MYO3A: variants seen among roughly 807,000 people sequenced by gnomAD.
The protein encoded by MYO3A is myosin IIIA.
Under a neutral mutation model 192.7 loss-of-function variants are expected in MYO3A, and 180 were observed. The observed-to-expected ratio is 0.93, with a 90% CI of 0.83 to 1.06. The LOEUF (loss-of-function observed/expected upper bound fraction) is 1.06. Ranked by LOEUF, MYO3A falls within the 50% of genes least tolerant of loss-of-function variation. The probability of loss-of-function intolerance (pLI) is 0.00; values close to 1 mark genes in which losing one functional copy is unlikely to be tolerated. For missense variants in MYO3A, 1,896 were observed against 1,905.0 expected, an observed-to-expected ratio of 1.00 and a Z score of 0.09; for synonymous variants, 628 against 645.3, an observed-to-expected ratio of 0.97 and a Z score of 0.41.
At chr10:26,183,100 G>A (rs1842686128) in intron 31 of MYO3A, among the ~76,000 whole-genome samples, 2 of 152,188 alleles carry the variant, frequency 1.3e-5, no homozygotes, top group East Asian at 1.9e-4. Flanking sequence ...AGAGACAAGC[G>A]ACAGTCCAGA....
Position 26,212,193 on chromosome 10 carries a change from T to C in MYO3A, c.*230T>C. 1 of 571,778 alleles carries C rather than the reference T, an allele frequency of 1.7e-6. No individual in the cohort carries two copies. The highest frequency in any genetic ancestry group is 3.0e-6 in the Non-Finnish European group (1 of 333,620). 35.4% of individuals were successfully genotyped at this position (571,778 alleles called of 1,614,324 possible). ...CTCCCCCGACGCTCTCTCTCGGAACTCCCGCACCCTCCTTTCTCACCAGCC... is the reference window on the plus strand; with the variant it reads ...CTCCCCCGACGCTCTCTCTCGGAACCCCCGCACCCTCCTTTCTCACCAGCC... On this transcript the variant is annotated 3_prime_UTR_variant, in exon 35 of 35. Coordinates refer to ENST00000642920, the MANE Select transcript of MYO3A (RefSeq NM_017433.5).
chr10:26,070,393 C>T lies in MYO3A; in HGVS notation c.1351C>T (p.Leu451Phe). Residue 451 changes from leucine (L) to phenylalanine (F), a missense_variant, in exon 14 of 35, where the codon CTT becomes TTT. Transcript: ENST00000642920. The part of the protein sequence containing the change: ...AHLLVQQLTV[L>F]GKANNRTLQE... ...TCTTTTAGTTCAGCAGCTGACAGTG[C>T]TTGGAAAGGTATAATTTATTTTTTT... 6.2e-7 allele frequency: 1 copy of T among 1,612,198 alleles called. No individual in the cohort carries two copies.
At chr10:26,189,881 G>A (rs1345056409) in intron 31 of MYO3A, among the ~76,000 whole-genome samples, 3 of 152,044 alleles carry the variant, frequency 2.0e-5, no homozygotes, top group South Asian at 2.1e-4. Context: ...TGGCTAACAT[G>A]CTGAAACCCC....
At chr10:26,106,479 T>C (rs1187710486) in intron 17 of MYO3A, among the ~76,000 whole-genome samples, 1 of 152,130 alleles carries the variant, frequency 6.6e-6, no homozygotes, top group East Asian at 1.9e-4. Context: ...ACCCCTTTCA[T>C]GTCATGTCAT....
At chr10:26,055,310 T>G (rs1161033417) in intron 10 of MYO3A, among the ~76,000 whole-genome samples, 3 of 152,098 alleles carry the variant, frequency 2.0e-5, no homozygotes, top group Non-Finnish European at 4.4e-5. Flanking sequence ...AAGTTGTCAC[T>G]CCATCCTAAC....
chr10:26,092,464 T>G (rs1314925499), intron 15 of MYO3A, among the ~76,000 whole-genome samples: 1 of 97,092 alleles, frequency 1.0e-5, no homozygotes, highest in Non-Finnish European at 2.5e-5. Context: ...AGACTCTGTC[T>G]CAAAAAAAAA....
At position 26,154,741 on chromosome 10, in the gene MYO3A, C is replaced by CT; in HGVS notation, c.2716-3dup. Reference sequence around the variant, plus strand: ...AGGCATCACTGTCTTCCTTGGTCTCCTTAGGGCGACACTGGAGAAGCCACA... The same window carrying CT: ...AGGCATCACTGTCTTCCTTGGTCTCCTTTAGGGCGACACTGGAGAAGCCACA... On this transcript the variant is annotated splice_region_variant and splice_polypyrimidine_tract_variant and intron_variant, in intron 24 of 34. Coordinates refer to ENST00000642920, the MANE Select transcript of MYO3A (RefSeq NM_017433.5). 6.2e-7 allele frequency: 1 copy of CT among 1,613,290 alleles called. No individual in the cohort carries two copies. Among genetic ancestry groups the CT allele is most frequent in the Non-Finnish European group, 8.5e-7 (1 of 1,179,464 alleles).
Position 26,203,202 on chromosome 10 carries a change from A to C in MYO3A, c.4730+95A>C, listed in dbSNP as rs1035956651. On this transcript the variant is annotated intron_variant, in intron 34 of 34. Coordinates refer to ENST00000642920, the MANE Select transcript of MYO3A (RefSeq NM_017433.5). The stretch of plus-strand genomic sequence containing the variant: ...CACTTTATATATAGATGAATGACAA[A>C]GCACTCTTACTGAATATTGCATCTT... The C allele has an allele frequency of 3.8e-6, 5 of 1,325,286 alleles. No individual in the cohort carries two copies. In the East Asian group the frequency reaches 1.2e-4, roughly 33 times the overall value. The allele number at this position is 1,325,286 out of a possible 1,614,324, so 82.1% of individuals were successfully genotyped here.
At chr10:26,026,770 C>T (rs1217724712) in intron 10 of MYO3A, among the ~76,000 whole-genome samples, 5 of 152,242 alleles carry the variant, frequency 3.3e-5, no homozygotes, top group Admixed American at 1.3e-4. Flanking sequence ...GGCACGATCT[C>T]GGCTCACTGC....
At chr10:26,156,699 A>G (rs1327588874) in intron 25 of MYO3A, among the ~76,000 whole-genome samples, 1 of 151,762 alleles carries the variant, frequency 6.6e-6, no homozygotes, top group Non-Finnish European at 1.5e-5. Flanking sequence ...CTTTTTTTTA[A>G]TTGTATTTTA....
chr10:25,944,898 C>A (rs1484696083), intron 2 of MYO3A, among the ~76,000 whole-genome samples: 7 of 151,954 alleles, frequency 4.6e-5, no homozygotes, highest in African/African-American at 1.7e-4. Flanking sequence ...TCTGCTGCAT[C>A]TTCATTATTT....
intron 6 of MYO3A, among the ~76,000 whole-genome samples, chr10:26,011,142 T>C (rs564887883): frequency 6.6e-6 from 1 of 152,204 alleles, no homozygotes; most frequent in South Asian, 2.1e-4. Flanking sequence ...AAGATGATTA[T>C]TCCTGGCCCA....
intron 4 of MYO3A, among the ~76,000 whole-genome samples, chr10:25,966,594 G>A (rs558637823): frequency 3.0e-4 from 46 of 152,244 alleles, no homozygotes; most frequent in African/African-American, 1.1e-3. Context: ...AAACTGAACA[G>A]TTTTAGTACC....
At chr10:26,102,711 C>T (rs1564550982) in intron 17 of MYO3A, among the ~76,000 whole-genome samples, 1 of 152,200 alleles carries the variant, frequency 6.6e-6, no homozygotes, top group Non-Finnish European at 1.5e-5. Context: ...GGCTGCAGAA[C>T]CGCAAATATT....
intron 10 of MYO3A, among the ~76,000 whole-genome samples, chr10:26,026,927 C>T (rs1842578742): frequency 1.3e-5 from 2 of 152,134 alleles, no homozygotes; most frequent in Admixed American, 1.3e-4. Flanking sequence ...GTCTCGATCT[C>T]CTGACCTTGT....
intron 17 of MYO3A, among the ~76,000 whole-genome samples, chr10:26,106,122 T>G (rs1021270139): frequency 6.6e-6 from 1 of 152,124 alleles, no homozygotes; most frequent in Admixed American, 6.5e-5. Flanking sequence ...TGCTTGTCCA[T>G]ACAAACTGTA....
intron 7 of MYO3A, among the ~76,000 whole-genome samples, chr10:26,018,844 T>C (rs1355899411): frequency 2.6e-5 from 4 of 152,178 alleles, no homozygotes; most frequent in Non-Finnish European, 5.9e-5. Context: ...CATGAAATAA[T>C]GTATTATCCT....
intron 15 of MYO3A, among the ~76,000 whole-genome samples, chr10:26,095,338 C>T (rs1836950264): frequency 6.6e-6 from 1 of 152,112 alleles, no homozygotes; most frequent in African/African-American, 2.4e-5. Context: ...AGCCTGTGAG[C>T]CTGGTGATAA....
intron 14 of MYO3A, among the ~76,000 whole-genome samples, chr10:26,074,782 G>A (rs562557467): frequency 2.1e-4 from 32 of 151,652 alleles, no homozygotes; most frequent in African/African-American, 7.5e-4. Flanking sequence ...TTTTGCATGA[G>A]CATTTGATGT....
Sources: gnomAD v4.1 joint callset for allele counts (sites outside exome capture counted in the v4.1 genomes callset) on GRCh38, gnomAD v4.1.1 for gene constraint, MANE v1.5 for transcripts, NCBI Gene and HGNC (gene_info 2026-07-23, HGNC 2026-07-21) for gene names.